Variants in MBOAT2 observed in about 807,000 individuals in gnomAD.
MBOAT2 encodes membrane-bound glycerophospholipid O-acyltransferase 2.
MBOAT2 carries 28 observed loss-of-function variants against 63.4 expected under a neutral mutation model. The ratio of observed to expected loss-of-function variants is 0.44; its 90% confidence interval spans 0.33 to 0.61. MBOAT2 has a LOEUF of 0.61. Among genes scored for constraint, MBOAT2 ranks in the 20% least tolerant of loss-of-function variants. The pLI is 0.03. For missense variants in MBOAT2, 470 were observed against 605.8 expected (o/e 0.78, Z 2.35); for synonymous variants, 211 against 215.6 (o/e 0.98, Z 0.19).
At position 8,895,227 on chromosome 2, in the gene MBOAT2, TTTTACAGAGTGCTGA is replaced by T. The variant is rs1419713946; in HGVS notation, c.396-7169_396-7155del. The stretch of plus-strand genomic sequence containing the variant: ...CACCCACATCCTGCTGATTGGTCAA[TTTTACAGAGTGCTGA>T]TAGGTCCATTCTACAGAGTGCTGAT... On this transcript the variant is annotated intron_variant, in intron 4 of 12. Coordinates refer to ENST00000305997, the MANE Select transcript of MBOAT2 (RefSeq NM_138799.4). 7.4e-4 allele frequency among the ~76,000 whole-genome samples: 112 copies of T among 152,336 alleles called. 1 individual carries two copies. Among genetic ancestry groups the T allele is most frequent in the African/African-American group, 2.5e-3 (104 of 41,570 alleles).
rs1660896492 is a variant in MBOAT2, at chr2:8,853,522, G to T, written c.*5157C>A. ...TGAACGTGAAACAGCTAAGACTCTG[G>T]TGAAAGGCAGTCAGTCACCTTTCCC... On this transcript the variant is annotated 3_prime_UTR_variant, in exon 13 of 13. Transcript: ENST00000305997. 1 of 152,322 alleles carries T rather than the reference G, an allele frequency of 6.6e-6. No individual in the cohort carries two copies. Among genetic ancestry groups the T allele is most frequent in the African/African-American group, 2.4e-5 (1 of 41,570 alleles). 9.4% of individuals were successfully genotyped at this position (152,322 alleles called of 1,614,324 possible). A position where few individuals can be genotyped will look rare whatever the true frequency, so the allele number is the denominator to read the frequency against.
At position 8,856,520 on chromosome 2, in the gene MBOAT2, T is replaced by G. The variant is rs1016960183; in HGVS notation, c.*2159A>C. On this transcript the variant is annotated 3_prime_UTR_variant, in exon 13 of 13. Coordinates refer to ENST00000305997, the MANE Select transcript of MBOAT2 (RefSeq NM_138799.4). The surrounding 1 kb of genome is among the most constrained non-coding windows in gnomAD (Gnocchi z 4.2). The stretch of plus-strand genomic sequence containing the variant: ...GTACATTCCATGAACATTCTTTCTA[T>G]TCTCTCACATTAAACAGCTGGCATA... 1 of 152,130 alleles carries G rather than the reference T, an allele frequency of 6.6e-6. No individual in the cohort carries two copies. Among genetic ancestry groups the G allele is most frequent in the African/African-American group, 2.4e-5 (1 of 41,444 alleles). 9.4% of individuals were successfully genotyped at this position (152,130 alleles called of 1,614,324 possible). A position where few individuals can be genotyped will look rare whatever the true frequency, so the allele number is the denominator to read the frequency against.
At position 8,948,935 on chromosome 2, in the gene MBOAT2, G is replaced by A. The variant is rs115992921; in HGVS notation, c.222-5671C>T. The stretch of plus-strand genomic sequence containing the variant: ...CTGCAAACTGCTTTCCACAATGGCC[G>A]AACTAACTTACTTTCCCAACGTTGT... On this transcript the variant is annotated intron_variant, in intron 2 of 12. Coordinates refer to ENST00000305997, the MANE Select transcript of MBOAT2 (RefSeq NM_138799.4). Among the ~76,000 whole-genome samples the A allele has an allele frequency of 2.2e-3, 337 of 152,286 alleles. 1 individual carries two copies. Among genetic ancestry groups the A allele is most frequent in the African/African-American group, 7.5e-3 (312 of 41,570 alleles).
intron 6 of MBOAT2, among the ~76,000 whole-genome samples, chr2:8,879,666 C>T (rs527796721): frequency 8.5e-5 from 13 of 152,164 alleles, no homozygotes; most frequent in South Asian, 2.1e-4. Context: ...CGCTACCCAC[C>T]GGACGCCAGT....
At chr2:8,984,876 G>C (rs1442560537) in intron 1 of MBOAT2, among the ~76,000 whole-genome samples, 1 of 152,040 alleles carries the variant, frequency 6.6e-6, no homozygotes, top group Non-Finnish European at 1.5e-5. Flanking sequence ...AAAACAGGAG[G>C]AGTCAGACAG....
intron 4 of MBOAT2, among the ~76,000 whole-genome samples, chr2:8,907,715 G>A (rs1665433226): frequency 6.6e-6 from 1 of 152,146 alleles, no homozygotes; most frequent in African/African-American, 2.4e-5. Flanking sequence ...TGTTTTTGAT[G>A]TAATTTCCTT....
At chr2:8,997,306 C>CA (rs574900340) in intron 1 of MBOAT2, among the ~76,000 whole-genome samples, 105 of 152,196 alleles carry the variant, frequency 6.9e-4, no homozygotes, top group Middle Eastern at 3.4e-3. Flanking sequence ...CTGATGGACC[C>CA]AATAAACCGA....
chr2:8,883,572 A>C (rs765255586), intron 5 of MBOAT2, among the ~76,000 whole-genome samples: 4 of 152,240 alleles, frequency 2.6e-5, no homozygotes, highest in Non-Finnish European at 5.9e-5. Flanking sequence ...AGGAAAGAGC[A>C]GACGAAAAAC....
chr2:8,915,921 C>T (rs557684150), intron 3 of MBOAT2, among the ~76,000 whole-genome samples: 1 of 152,206 alleles, frequency 6.6e-6, no homozygotes, highest in Non-Finnish European at 1.5e-5. Context: ...TTCCAGGGAT[C>T]CTGGCTATGG....
intron 3 of MBOAT2, among the ~76,000 whole-genome samples, chr2:8,926,643 G>A (rs557760399): frequency 6.6e-6 from 1 of 152,340 alleles, no homozygotes; most frequent in East Asian, 1.9e-4. Flanking sequence ...AAGGAAGGCA[G>A]GGGCAGTCAC....
Position 9,003,182 on chromosome 2 carries a change from CG to C in MBOAT2, c.75+357del, listed in dbSNP as rs1300207885. On this transcript the variant is annotated intron_variant, in intron 1 of 12. Transcript: ENST00000305997. This position sits in a 1 kb window ranked among gnomAD's most constrained non-coding sequence, Gnocchi z 5.4. ...TTTCCACAACCCGGTCCATGCGCAC[CG>C]GGGGCTGCTCCGGGACCCGACCACC... Among the ~76,000 whole-genome samples, 1 of 152,164 alleles carries C rather than the reference CG, an allele frequency of 6.6e-6. No homozygotes were observed. The highest frequency in any genetic ancestry group is 2.4e-5 in the African/African-American group (1 of 41,442).
intron 3 of MBOAT2, among the ~76,000 whole-genome samples, chr2:8,936,795 A>AG (rs1251904969): frequency 7.2e-6 from 1 of 138,016 alleles, no homozygotes; most frequent in Non-Finnish European, 1.7e-5. Context: ...TCAAAAAAAA[A>AG]AAAAAAAAAA....
rs764969732 is a variant in MBOAT2 at position 8,858,676 on chromosome 2, C to CAA, written c.*2_*3insTT. ...AAAAAAACAGCCCTCAGAGCCTTCC[C>CAA]GATCACTGCTTTAGTGATGAATGTC... On this transcript the variant is annotated 3_prime_UTR_variant, in exon 13 of 13. Transcript: ENST00000305997. 6.3e-7 allele frequency: 1 copy of CAA among 1,598,268 alleles called. No homozygotes were observed. Among genetic ancestry groups the CAA allele is most frequent in the Non-Finnish European group, 8.5e-7 (1 of 1,170,082 alleles).
At chr2:8,886,794 A>G (rs150273199) in intron 5 of MBOAT2, among the ~76,000 whole-genome samples, 132 of 152,294 alleles carry the variant, frequency 8.7e-4, no homozygotes, top group African/African-American at 2.9e-3. Context: ...CGACTTTCCT[A>G]TATTCTCTTT....
At chr2:8,897,139 TTGTCTC>T (rs1338454493) in intron 4 of MBOAT2, among the ~76,000 whole-genome samples, 6 of 152,206 alleles carry the variant, frequency 3.9e-5, no homozygotes, top group African/African-American at 1.4e-4. Context: ...TTTGACTTCT[TTGTCTC>T]TGTCTCTTCC....
chr2:8,947,854 C>T (rs1265040108), intron 2 of MBOAT2, among the ~76,000 whole-genome samples: 1 of 152,168 alleles, frequency 6.6e-6, no homozygotes, highest in Non-Finnish European at 1.5e-5. Flanking sequence ...AACACAATAC[C>T]CATTATGCAG....
In MBOAT2 at chr2:8,867,743, G is replaced by A. The variant is rs538231138; in HGVS notation, c.987+703C>T. On this transcript the variant is annotated intron_variant, in intron 9 of 12. Transcript: ENST00000305997. ...TTATATGTTTCTAGCCCCACTGGCA[G>A]TATATGGTTTAGGTCACCATTATCT... is the stretch of plus-strand genomic sequence containing the variant. Among the ~76,000 whole-genome samples, 12 of 152,214 alleles carry A rather than the reference G, an allele frequency of 7.9e-5. No individual in the cohort carries two copies. The South Asian group carries it at 8.3e-4, about 11-fold the overall frequency.
chr2:9,000,549 C>T (rs1672609515), intron 1 of MBOAT2, among the ~76,000 whole-genome samples: 1 of 152,186 alleles, frequency 6.6e-6, no homozygotes, highest in South Asian at 2.1e-4. Context: ...GAGAAAACAA[C>T]TCAAACTACA....
intron 3 of MBOAT2, among the ~76,000 whole-genome samples, chr2:8,924,180 A>G (rs1032302445): frequency 5.3e-5 from 8 of 152,170 alleles, no homozygotes; most frequent in Admixed American, 3.9e-4. Flanking sequence ...TCTTCACACA[A>G]GATTCAGAGG....
Sources: gnomAD v4.1 joint callset for allele counts (sites outside exome capture counted in the v4.1 genomes callset) on GRCh38, gnomAD v4.1.1 for gene constraint, Gnocchi (gnomAD v3.1) non-coding constraint, MANE v1.5 for transcripts, NCBI Gene and HGNC (gene_info 2026-07-23, HGNC 2026-07-21) for gene names.